The following B4GALT1 variants were observed in gnomAD, a reference collection of about 807,000 sequenced individuals.
The protein encoded by B4GALT1 is beta-1,4-galactosyltransferase 1.
A neutral mutation model predicts 34.9 loss-of-function variants in B4GALT1; 16 were observed. That is an observed-to-expected ratio of 0.46 (90% CI 0.31 to 0.70). The LOEUF is 0.70. Ranked by LOEUF, B4GALT1 falls within the 30% of genes least tolerant of loss-of-function variation. The probability of loss-of-function intolerance (pLI) is 0.05; values close to 1 mark genes in which losing one functional copy is unlikely to be tolerated. For missense variants in B4GALT1, 445 were observed against 530.5 expected (o/e 0.84, Z 1.58); for synonymous variants, 221 against 218.1 (o/e 1.01, Z -0.12).
At chr9:33,183,085 A>T in the B4GALT1 span, among the ~76,000 whole-genome samples, 1 of 152,138 alleles carries the variant, frequency 6.6e-6, no homozygotes, top group Non-Finnish European at 1.5e-5. Flanking sequence ...TAAATGGAAA[A>T]TTTCAGAAAT....
At chr9:33,119,920 C>T (rs1211901512) in intron 3 of B4GALT1, among the ~76,000 whole-genome samples, 2 of 152,188 alleles carry the variant, frequency 1.3e-5, no homozygotes, top group African/African-American at 4.8e-5. Context: ...CATGGTGCCA[C>T]ATGCCTATAA....
chr9:33,180,436 T>C, the B4GALT1 span, among the ~76,000 whole-genome samples: 1 of 152,172 alleles, frequency 6.6e-6, no homozygotes, highest in South Asian at 2.1e-4. Flanking sequence ...CATGTTAAAC[T>C]AAAAGACAGG....
In B4GALT1 at chr9:33,141,792, G is replaced by A. The variant is rs1221681910; in HGVS notation, c.413-6368C>T. ...AATAAATCCTAGCTGTGTGGGTGGC[G>A]CGCAGCTATCCTCTCTGCTTCTCTG... On this transcript the variant is annotated intron_variant, in intron 1 of 5. Transcript: ENST00000379731. Among the ~76,000 whole-genome samples the A allele has an allele frequency of 3.9e-5, 6 of 152,218 alleles. No homozygotes were observed. In the East Asian group the frequency reaches 9.7e-4, roughly 25 times the overall value.
intron 2 of B4GALT1, among the ~76,000 whole-genome samples, chr9:33,130,354 T>C (rs1840176048): frequency 6.6e-6 from 1 of 151,980 alleles, no homozygotes; most frequent in Admixed American, 6.6e-5. Flanking sequence ...GTCTTCTCCT[T>C]CTGTTGCTTC....
intron 2 of B4GALT1, among the ~76,000 whole-genome samples, chr9:33,133,595 G>A (rs1840224660): frequency 6.6e-6 from 1 of 152,208 alleles, no homozygotes; most frequent in Non-Finnish European, 1.5e-5. Context: ...ACATTTACCT[G>A]TTCTCTCTTG....
chr9:33,146,450 C>T lies in B4GALT1; in HGVS notation c.413-11026G>A, dbSNP rs544986811. 5.3e-5 allele frequency among the ~76,000 whole-genome samples: 8 copies of T among 152,330 alleles called. No individual in the cohort carries two copies. The East Asian group carries it at 1.5e-3, about 29-fold the overall frequency. On this transcript the variant is annotated intron_variant, in intron 1 of 5. Coordinates refer to ENST00000379731, the MANE Select transcript of B4GALT1 (RefSeq NM_001497.4). Reference sequence around the variant, plus strand: ...GCATTTTATTTTAAGACTTTCACCTCCAGGCTGGGGCAGCCACCTGTGTCC... The same window carrying T: ...GCATTTTATTTTAAGACTTTCACCTTCAGGCTGGGGCAGCCACCTGTGTCC...
At chr9:33,130,917 G>C (rs1444247913) in intron 2 of B4GALT1, among the ~76,000 whole-genome samples, 6 of 152,132 alleles carry the variant, frequency 3.9e-5, no homozygotes, top group African/African-American at 1.4e-4. Context: ...AAACAGGCAG[G>C]ATGAATGGAG....
At chr9:33,150,152 C>CACACATACACACACACACATATATATAT in intron 1 of B4GALT1, among the ~76,000 whole-genome samples, 1 of 121,892 alleles carries the variant, frequency 8.2e-6, no homozygotes, top group East Asian at 2.3e-4. Flanking sequence ...TAGATATATA[C>CACACATACACACACACACATATATATAT]ACACACACAT....
chr9:33,105,204 A>G (rs554892830), intron 2 of B4GALT1, among the ~76,000 whole-genome samples: 1 of 151,860 alleles, frequency 6.6e-6, no homozygotes, highest in African/African-American at 2.4e-5. Context: ...CAATGGCCCA[A>G]TCTCGGCTCA....
intron 2 of B4GALT1, among the ~76,000 whole-genome samples, chr9:33,126,688 A>G (rs1231496944): frequency 6.6e-5 from 2 of 30,436 alleles, no homozygotes; most frequent in Non-Finnish European, 1.1e-4. Context: ...GCTCTCAACA[A>G]AACTTGGATC....
intron 1 of B4GALT1, among the ~76,000 whole-genome samples, chr9:33,147,366 G>A (rs947482441): frequency 1.3e-5 from 2 of 150,760 alleles, no homozygotes; most frequent in African/African-American, 4.9e-5. Flanking sequence ...TCCCGCCTCA[G>A]CCTCCCAAGT....
chr9:33,151,206 C>A (rs868468558), intron 1 of B4GALT1, among the ~76,000 whole-genome samples: 2 of 152,224 alleles, frequency 1.3e-5, no homozygotes, highest in South Asian at 2.1e-4. Flanking sequence ...GCTTATCCTG[C>A]GGCTTCCCTT....
chr9:33,135,342 G>A lies in B4GALT1; in HGVS notation c.495C>T (p.Gly165=). ...AGACGCAGTCCCTGGGGGCATAGCG[G>A]CCGCCCATCTTCACATTTGGGTTCT... is the stretch of plus-strand genomic sequence containing the variant. The part of the protein sequence containing the change: ...AKQNPNVKMG[G]RYAPRDCVSP... The change falls in exon 2 of 6, where the codon GGC becomes GGT. Residue 165 remains glycine, a synonymous_variant. Coordinates refer to ENST00000379731, the MANE Select transcript of B4GALT1 (RefSeq NM_001497.4). The A allele has an allele frequency of 6.2e-7, 1 of 1,614,204 alleles. No homozygotes were observed.
At chr9:33,143,349 G>C (rs1241483835) in intron 1 of B4GALT1, among the ~76,000 whole-genome samples, 1 of 152,124 alleles carries the variant, frequency 6.6e-6, no homozygotes, top group African/African-American at 2.4e-5. Flanking sequence ...ACTTAAAAGT[G>C]ACTTCGTCAG....
intron 2 of B4GALT1, among the ~76,000 whole-genome samples, chr9:33,131,339 G>A (rs991410389): frequency 1.3e-5 from 2 of 152,222 alleles, no homozygotes; most frequent in African/African-American, 4.8e-5. Context: ...TCTGGCCTCA[G>A]GGGTCTAGGC....
rs1477323283 is a variant in B4GALT1 at position 33,144,893 on chromosome 9, C to T, written c.413-9469G>A. On this transcript the variant is annotated intron_variant, in intron 1 of 5. Transcript: ENST00000379731. ...AGCAATCATGTATTGACCCACACTG[C>T]ACTTGTTCAACTAAGAGGTGAGAAG... Among the ~76,000 whole-genome samples, 8 of 152,334 alleles carry T rather than the reference C, an allele frequency of 5.3e-5. No individual in the cohort carries two copies. The East Asian group carries it at 7.7e-4, about 15-fold the overall frequency.
chr9:33,118,011 C>A (rs1475225352), intron 3 of B4GALT1, among the ~76,000 whole-genome samples: 1 of 152,212 alleles, frequency 6.6e-6, no homozygotes, highest in Non-Finnish European at 1.5e-5. Context: ...CCTTGTGAAA[C>A]AAACATGGTG....
At position 33,129,890 on chromosome 9, in the gene B4GALT1, G is replaced by A. The variant is rs888674610; in HGVS notation, c.648+5299C>T. Among the ~76,000 whole-genome samples, 18 of 152,194 alleles carry A rather than the reference G, an allele frequency of 1.2e-4. 1 individual carries two copies. Among genetic ancestry groups the A allele is most frequent in the Admixed American group, 1.0e-3 (16 of 15,280 alleles). On this transcript the variant is annotated intron_variant, in intron 2 of 5. Coordinates refer to ENST00000379731, the MANE Select transcript of B4GALT1 (RefSeq NM_001497.4). Reference sequence around the variant, plus strand: ...GTGGAGATGGGGAGTCCAGTGAAGTGGAGAGGAGGAGGAAGTGGCTGGAGG... The same window carrying A: ...GTGGAGATGGGGAGTCCAGTGAAGTAGAGAGGAGGAGGAAGTGGCTGGAGG...
intron 1 of B4GALT1, among the ~76,000 whole-genome samples, chr9:33,139,429 C>T (rs1050384040): frequency 6.6e-6 from 1 of 152,220 alleles, no homozygotes; most frequent in South Asian, 2.1e-4. Flanking sequence ...ACTGAGACAC[C>T]TTGACCCCCA....
Sources: allele counts gnomAD v4.1 joint callset (sites outside exome capture counted in the v4.1 genomes callset), GRCh38; gene constraint gnomAD v4.1.1; transcripts MANE v1.5; gene names NCBI Gene and HGNC (gene_info 2026-07-23, HGNC 2026-07-21).